Variants in MDGA2 observed in about 807,000 individuals in gnomAD.
MDGA2 encodes MAM domain-containing glycosylphosphatidylinositol anchor protein 2.
In MDGA2, 40 loss-of-function variants were observed where a neutral mutation model predicts 117.8. The observed-to-expected ratio is 0.34, with a 90% confidence interval of 0.26 to 0.44. MDGA2 has a LOEUF of 0.44. Among genes scored for constraint, MDGA2 ranks in the 20% least tolerant of loss-of-function variants. MDGA2 has a pLI of 1.00. For synonymous variants in MDGA2, 452 were observed against 439.0 expected (o/e 1.03, Z -0.37); for missense variants, 1,123 against 1,250.6 (o/e 0.90, Z 1.54).
rs548471840 is a variant in MDGA2 at position 46,948,043 on chromosome 14, G to T, written c.2089+9331C>A. ...CTTATGCCTGCCTTGTGCCTATTCT[G>T]CAATTTAGTCTAGTAATATAGTTAT... On this transcript the variant is annotated intron_variant, in intron 9 of 16. Coordinates refer to ENST00000399232, the MANE Select transcript of MDGA2 (RefSeq NM_001113498.3). 1.3e-4 allele frequency among the ~76,000 whole-genome samples: 19 copies of T among 151,824 alleles called. No individual in the cohort carries two copies. In the South Asian group the frequency reaches 3.9e-3, roughly 32 times the overall value.
At chr14:47,209,714 T>C (rs1023151445) in intron 3 of MDGA2, among the ~76,000 whole-genome samples, 1 of 152,286 alleles carries the variant, frequency 6.6e-6, no homozygotes, top group African/African-American at 2.4e-5. Flanking sequence ...CACTTGTAAA[T>C]AACACTGATA....
At chr14:47,106,209 A>G (rs1273464581) in intron 5 of MDGA2, among the ~76,000 whole-genome samples, 1 of 152,086 alleles carries the variant, frequency 6.6e-6, no homozygotes, top group Non-Finnish European at 1.5e-5. Context: ...CTCAAAATAC[A>G]TTTTATTACC....
At chr14:46,854,915 G>T in intron 15 of MDGA2, 109 bp downstream of exon 15, 2 of 995,920 alleles carry the variant, frequency 2.0e-6, no homozygotes, top group Non-Finnish European at 2.8e-6. Context: ...TTTTTGTGAT[G>T]CTTATATCGT....
At chr14:47,514,275 T>C (rs1894706327) in intron 1 of MDGA2, among the ~76,000 whole-genome samples, 1 of 152,084 alleles carries the variant, frequency 6.6e-6, no homozygotes, top group South Asian at 2.1e-4. Flanking sequence ...AAAAGAGAGA[T>C]GGGCAATGCC....
chr14:47,389,081 C>A (rs533589319), intron 1 of MDGA2, among the ~76,000 whole-genome samples: 18 of 152,270 alleles, frequency 1.2e-4, no homozygotes, highest in African/African-American at 4.1e-4. Context: ...TATGCATTAT[C>A]TATATTTGTT....
chr14:47,184,827 C>G (rs969650913), intron 3 of MDGA2, among the ~76,000 whole-genome samples: 4 of 151,390 alleles, frequency 2.6e-5, no homozygotes, highest in African/African-American at 9.7e-5. Context: ...ATGAAGGGAA[C>G]TGAGACACTG....
intron 14 of MDGA2, among the ~76,000 whole-genome samples, chr14:46,870,720 C>T (rs1056166281): frequency 2.0e-5 from 3 of 151,890 alleles, no homozygotes; most frequent in Non-Finnish European, 2.9e-5. Flanking sequence ...TCCTAATTTT[C>T]CCTCATCCCA....
At chr14:47,034,873 T>C (rs1594549774) in intron 8 of MDGA2, 138 bp downstream of exon 8, 1 of 764,040 alleles carries the variant, frequency 1.3e-6, no homozygotes, top group East Asian at 2.6e-5. Flanking sequence ...GTAGAAATAG[T>C]TCATTCAATC....
At chr14:47,051,525 G>A (rs1193994194) in intron 7 of MDGA2, among the ~76,000 whole-genome samples, 1 of 151,744 alleles carries the variant, frequency 6.6e-6, no homozygotes, top group Non-Finnish European at 1.5e-5. Context: ...ATGAAAATTA[G>A]GTTCTTTTAA....
chr14:47,359,840 C>T (rs1459555596), intron 1 of MDGA2, among the ~76,000 whole-genome samples: 1 of 150,544 alleles, frequency 6.6e-6, no homozygotes, highest in African/African-American at 2.4e-5. Flanking sequence ...GGGTATCACA[C>T]CAAAAGTTCA....
intron 1 of MDGA2, among the ~76,000 whole-genome samples, chr14:47,413,451 G>T (rs10139432): frequency 0.59 from 89,784 of 151,864 alleles, 27,232 homozygotes; most frequent in East Asian, 0.94. Context: ...AAAAGGGGAA[G>T]AAAAAAGTAA....
intron 1 of MDGA2, among the ~76,000 whole-genome samples, chr14:47,519,010 A>G (rs998645952): frequency 2.0e-5 from 3 of 151,992 alleles, no homozygotes; most frequent in Admixed American, 6.6e-5. Flanking sequence ...TCGAGATCAA[A>G]CTGGCAAACA....
Position 47,005,404 on chromosome 14 carries a change from A to T in MDGA2, c.1819+29607T>A, listed in dbSNP as rs1275485189. On this transcript the variant is annotated intron_variant, in intron 8 of 16. Coordinates refer to ENST00000399232, the MANE Select transcript of MDGA2 (RefSeq NM_001113498.3). The stretch of plus-strand genomic sequence containing the variant: ...TTTCTTCAGTTTATTAACATGATGA[A>T]TTATATTGCTTAACTGTTGAGTGTT... Among the ~76,000 whole-genome samples, 3 of 151,662 alleles carry T rather than the reference A, an allele frequency of 2.0e-5. No homozygotes were observed. In the East Asian group the frequency reaches 5.8e-4, roughly 29 times the overall value.
intron 1 of MDGA2, among the ~76,000 whole-genome samples, chr14:47,458,536 G>T (rs1403520917): frequency 6.6e-6 from 1 of 152,096 alleles, no homozygotes. Flanking sequence ...TGGTGAAGGG[G>T]TACAAAGTTT....
At position 47,155,885 on chromosome 14, in the gene MDGA2, CTTCTTTTTTTTTTTTTTTTT is replaced by C. The variant is rs1424876402; in HGVS notation, c.596-11631_596-11612del. Among the ~76,000 whole-genome samples, 59 of 80,406 alleles carry C rather than the reference CTTCTTTTTTTTTTTTTTTTT, an allele frequency of 7.3e-4. 7 individuals carry two copies. Among genetic ancestry groups the C allele is most frequent in the South Asian group, 4.3e-3 (8 of 1,878 alleles). The allele number at this position is 80,406 out of a possible 152,430, so 52.7% of individuals were successfully genotyped here. The stretch of plus-strand genomic sequence containing the variant: ...ACAATTCTTTTCTTTTCTTCTTCTT[CTTCTTTTTTTTTTTTTTTTT>C]TTTTTTTTTTTTTTTTTTTTTTTTT... On this transcript the variant is annotated intron_variant, in intron 3 of 16. Coordinates refer to ENST00000399232, the MANE Select transcript of MDGA2 (RefSeq NM_001113498.3).
intron 1 of MDGA2, among the ~76,000 whole-genome samples, chr14:47,338,148 C>A (rs942229340): frequency 6.6e-6 from 1 of 151,720 alleles, no homozygotes; most frequent in African/African-American, 2.4e-5. Flanking sequence ...AGCTGTTATA[C>A]CTTAATTGTG....
In MDGA2 at chr14:46,929,599, GTGTATATATATATATATATATATATA is replaced by G. The variant is rs1355284699; in HGVS notation, c.2090-9465_2090-9440del. On this transcript the variant is annotated intron_variant, in intron 9 of 16. Transcript: ENST00000399232. ...TATATACGTGTGTGTGTGTGTGTGT[GTGTATATATATATATATATATATATA>G]TATATATATATATATATATATACAT... Among the ~76,000 whole-genome samples the G allele has an allele frequency of 8.5e-3, 129 of 15,256 alleles. 18 individuals carry two copies. Among genetic ancestry groups the G allele is most frequent in the Admixed American group, 0.019 (16 of 850 alleles). The allele number at this position is 15,256 out of a possible 152,430, so 10.0% of individuals were successfully genotyped here.
At chr14:46,993,790 T>C (rs1197291962) in intron 8 of MDGA2, among the ~76,000 whole-genome samples, 1 of 152,146 alleles carries the variant, frequency 6.6e-6, no homozygotes, top group Non-Finnish European at 1.5e-5. Context: ...CTAGGATCCA[T>C]ACTGGCTATC....
At chr14:47,311,299 C>G in intron 1 of MDGA2, among the ~76,000 whole-genome samples, 1 of 152,180 alleles carries the variant, frequency 6.6e-6, no homozygotes, top group East Asian at 1.9e-4. Context: ...TCCAGCCTAA[C>G]TCATCAAGAA....
Sources: allele counts gnomAD v4.1 joint callset (sites outside exome capture counted in the v4.1 genomes callset), GRCh38; gene constraint gnomAD v4.1.1; transcripts MANE v1.5; gene names NCBI Gene and HGNC (gene_info 2026-07-23, HGNC 2026-07-21).